The following NRP1 variants were observed in gnomAD, a reference collection of about 807,000 sequenced individuals.
NRP1 encodes neuropilin 1, also known as neuropilin-1.
Under a neutral mutation model 106.7 loss-of-function variants are expected in NRP1, and 35 were observed. That is an observed-to-expected ratio of 0.33 (90% CI 0.25 to 0.43). The LOEUF is 0.43. Ranked by LOEUF, NRP1 falls within the 20% of genes least tolerant of loss-of-function variation. NRP1 has a pLI of 1.00. For synonymous variants in NRP1, 437 were observed against 417.9 expected (o/e 1.05, Z -0.56); for missense variants, 1,024 against 1,170.4 (o/e 0.87, Z 1.83).
intron 6 of NRP1, among the ~76,000 whole-genome samples, chr10:33,250,887 C>T (rs1005698499): frequency 4.6e-5 from 7 of 152,140 alleles, no homozygotes; most frequent in Admixed American, 1.3e-4. Context: ...CCAGGTGGGG[C>T]CACAGCTTCC....
intron 2 of NRP1, among the ~76,000 whole-genome samples, chr10:33,316,748 A>G (rs2804493): frequency 0.75 from 113,417 of 152,178 alleles, 44,762 homozygotes; most frequent in East Asian, 0.99. Context: ...TATGTATAAG[A>G]TTGCACAAAA....
intron 2 of NRP1, among the ~76,000 whole-genome samples, chr10:33,305,700 G>C (rs1028920703): frequency 1.1e-4 from 17 of 151,056 alleles, no homozygotes; most frequent in Admixed American, 6.6e-5. Flanking sequence ...CATATACCAT[G>C]ACTAAAAGTC....
intron 2 of NRP1, among the ~76,000 whole-genome samples, chr10:33,329,768 G>A (rs549123355): frequency 1.3e-4 from 20 of 152,316 alleles, no homozygotes; most frequent in African/African-American, 3.8e-4. Context: ...CACTTTCAGT[G>A]GGTCAGAATG....
intron 6 of NRP1, among the ~76,000 whole-genome samples, chr10:33,237,447 G>A (rs1307536088): frequency 1.3e-5 from 2 of 150,772 alleles, no homozygotes; most frequent in Non-Finnish European, 1.5e-5. Flanking sequence ...GAAGCGGCCA[G>A]CTTTGATGAA....
chr10:33,215,819 C>T (rs1342996891), intron 8 of NRP1, among the ~76,000 whole-genome samples: 2 of 151,846 alleles, frequency 1.3e-5, no homozygotes, highest in Non-Finnish European at 2.9e-5. Flanking sequence ...CTAGAAATTA[C>T]GCACGTCATT....
chr10:33,305,028 C>T (rs530854176), intron 2 of NRP1, among the ~76,000 whole-genome samples: 1 of 152,336 alleles, frequency 6.6e-6, no homozygotes, highest in African/African-American at 2.4e-5. Flanking sequence ...GTGTGTTCTG[C>T]CAGCCTAGGC....
intron 2 of NRP1, among the ~76,000 whole-genome samples, chr10:33,318,230 G>C (rs1249588657): frequency 6.6e-6 from 1 of 152,104 alleles, no homozygotes; most frequent in African/African-American, 2.4e-5. Context: ...ACATCTTCCT[G>C]GGCTGTACTG....
At chr10:33,222,654 A>C (rs1237428364) in intron 7 of NRP1, among the ~76,000 whole-genome samples, 1 of 151,800 alleles carries the variant, frequency 6.6e-6, no homozygotes, top group African/African-American at 2.4e-5. Context: ...CTGAGTAGCT[A>C]GGATTACAGG....
rs897536335 is a variant in NRP1 at position 33,200,893 on chromosome 10, T to A, written c.1864+1998A>T. ...ATAATGAATATGAAGCAGGAGAATGTCTTCCAAAATGGCTTCTTCTTGATG... is the reference window on the plus strand; with the variant it reads ...ATAATGAATATGAAGCAGGAGAATGACTTCCAAAATGGCTTCTTCTTGATG... On this transcript the variant is annotated intron_variant, in intron 11 of 16. Transcript: ENST00000374867. 2.6e-5 allele frequency: 4 copies of A among 152,216 alleles called. No individual in the cohort carries two copies. In the East Asian group the frequency reaches 7.7e-4, roughly 29 times the overall value. The allele number at this position is 152,216 out of a possible 1,614,324, so 9.4% of individuals were successfully genotyped here. A position where few individuals can be genotyped will look rare whatever the true frequency, so the allele number is the denominator to read the frequency against.
At chr10:33,299,021 T>G (rs1845614250) in intron 2 of NRP1, among the ~76,000 whole-genome samples, 1 of 152,204 alleles carries the variant, frequency 6.6e-6, no homozygotes, top group Non-Finnish European at 1.5e-5. Context: ...TGGTTTGTTT[T>G]ATACTTTAAG....
chr10:33,264,585 T>C (rs187277460), intron 3 of NRP1, among the ~76,000 whole-genome samples: 1 of 152,302 alleles, frequency 6.6e-6, no homozygotes, highest in Non-Finnish European at 1.5e-5. Context: ...CATTCTAAAA[T>C]TGCATGTTAA....
chr10:33,292,546 T>C (rs1564461337), intron 2 of NRP1, among the ~76,000 whole-genome samples: 1 of 152,230 alleles, frequency 6.6e-6, no homozygotes, highest in Non-Finnish European at 1.5e-5. Flanking sequence ...ATAGACCACA[T>C]GCTGACCTTG....
chr10:33,186,583 G>A (rs1300148393), intron 13 of NRP1, 95 bp from the exon 14 acceptor site: 28 of 1,432,182 alleles, frequency 2.0e-5, no homozygotes, highest in East Asian at 1.4e-4. Context: ...AGCTTCCTGC[G>A]CTGAGCACCA....
intron 2 of NRP1, among the ~76,000 whole-genome samples, chr10:33,274,764 T>A (rs573069137): frequency 6.6e-6 from 1 of 152,258 alleles, no homozygotes; most frequent in East Asian, 1.9e-4. Context: ...TGGTGTCTTT[T>A]TAATCTCCTT....
intron 11 of NRP1, among the ~76,000 whole-genome samples, chr10:33,199,586 C>T (rs1037039573): frequency 2.6e-5 from 4 of 150,984 alleles, no homozygotes; most frequent in Non-Finnish European, 4.4e-5. Context: ...TCTTTTAACC[C>T]ACTGAGTTTG....
chr10:33,218,470 T>C (rs12359014), intron 8 of NRP1, among the ~76,000 whole-genome samples: 42,451 of 151,352 alleles, frequency 0.28, 6,328 homozygotes, highest in East Asian at 0.62. Context: ...CTCAGCCTTC[T>C]GAGTAGCTGG....
At position 33,276,572 on chromosome 10, in the gene NRP1, A is replaced by G. The variant is rs11009329; in HGVS notation, c.249-5716T>C. ...CCCTGAGCTGGGAGAGCACAGCATA[A>G]GAGACCCAGGAATGAGACACTTTTT... On this transcript the variant is annotated intron_variant, in intron 2 of 16. Transcript: ENST00000374867. Among the ~76,000 whole-genome samples, 900 of 152,322 alleles carry G rather than the reference A, an allele frequency of 5.9e-3. 5 individuals carry two copies. Among genetic ancestry groups the G allele is most frequent in the African/African-American group, 0.021 (858 of 41,568 alleles).
At position 33,289,277 on chromosome 10, in the gene NRP1, GACA is replaced by G. The variant is rs1251722512; in HGVS notation, c.249-18424_249-18422del. ...TAAACCTTATAAAAATAGCCATAAT[GACA>G]ACAACATCTCTTCAGAAGGGCATGC... On this transcript the variant is annotated intron_variant, in intron 2 of 16. Transcript: ENST00000374867. Among the ~76,000 whole-genome samples, 10 of 152,062 alleles carry G rather than the reference GACA, an allele frequency of 6.6e-5. 1 individual carries two copies. The highest frequency in any genetic ancestry group is 1.9e-4 in the African/African-American group (8 of 41,412).
At chr10:33,300,579 C>A (rs1410134410) in intron 2 of NRP1, among the ~76,000 whole-genome samples, 2 of 152,116 alleles carry the variant, frequency 1.3e-5, no homozygotes, top group African/African-American at 4.8e-5. Context: ...TTGGGGCGCC[C>A]AAATCACTAA....
Sources: allele counts gnomAD v4.1 joint callset (sites outside exome capture counted in the v4.1 genomes callset), GRCh38; gene constraint gnomAD v4.1.1; transcripts MANE v1.5; gene names NCBI Gene and HGNC (gene_info 2026-07-23, HGNC 2026-07-21).